LMNB2: variants seen among roughly 807,000 people sequenced by gnomAD.
LMNB2 encodes the protein lamin B2.
Under a neutral mutation model 69.3 loss-of-function variants are expected in LMNB2, and 17 were observed. The ratio of observed to expected loss-of-function variants is 0.25; its 90% confidence interval spans 0.17 to 0.37. The LOEUF (loss-of-function observed/expected upper bound fraction) is 0.37. Among genes scored for constraint, LMNB2 ranks in the 10% least tolerant of loss-of-function variants. The probability of loss-of-function intolerance (pLI) is 1.00; values close to 1 mark genes in which losing one functional copy is unlikely to be tolerated. For synonymous variants in LMNB2, 397 were observed against 389.3 expected, an observed-to-expected ratio of 1.02 and a Z score of -0.23; for missense variants, 789 against 883.6, an observed-to-expected ratio of 0.89 and a Z score of 1.36.
intron 4 of LMNB2, among the ~76,000 whole-genome samples, chr19:2,435,983 T>C (rs1353259647): frequency 1.3e-5 from 2 of 151,834 alleles, no homozygotes; most frequent in Non-Finnish European, 2.9e-5. Flanking sequence ...ACCCCATCTC[T>C]ATTAAAAATA....
chr19:2,453,687 C>G lies in LMNB2; in HGVS notation c.264+2983G>C, dbSNP rs1167365139. ...TGAGTGAACTGAGTTGTAAAGGATG[C>G]TGCTGCGGCCCCGAGAGGTGGCTGG... On this transcript the variant is annotated intron_variant, in intron 1 of 11. Coordinates refer to ENST00000325327, the MANE Select transcript of LMNB2 (RefSeq NM_032737.4). This position sits in a 1 kb window ranked among gnomAD's most constrained non-coding sequence, Gnocchi z 4.4. Among the ~76,000 whole-genome samples, 1 of 152,190 alleles carries G rather than the reference C, an allele frequency of 6.6e-6. No individual in the cohort carries two copies. The highest frequency in any genetic ancestry group is 1.5e-5 in the Non-Finnish European group (1 of 68,028).
At position 2,447,519 on chromosome 19, in the gene LMNB2, A is replaced by G. The variant is rs1240881865; in HGVS notation, c.265-2979T>C. On this transcript the variant is annotated intron_variant, in intron 1 of 11. Coordinates refer to ENST00000325327, the MANE Select transcript of LMNB2 (RefSeq NM_032737.4). This position sits in a 1 kb window ranked among gnomAD's most constrained non-coding sequence, Gnocchi z 4.4. Reference sequence around the variant, plus strand: ...TGGTGGCACAGCTGTGGAGATATGAAAACGCGAAACCTACGGGTGAGCTGG... The same window carrying G: ...TGGTGGCACAGCTGTGGAGATATGAGAACGCGAAACCTACGGGTGAGCTGG... Among the ~76,000 whole-genome samples the G allele has an allele frequency of 1.3e-5, 2 of 152,168 alleles. No individual in the cohort carries two copies. Among genetic ancestry groups the G allele is most frequent in the Non-Finnish European group, 2.9e-5 (2 of 68,020 alleles).
intron 1 of LMNB2, among the ~76,000 whole-genome samples, 158 bp downstream of exon 1, chr19:2,456,512 C>T (rs1972091525): frequency 6.6e-6 from 1 of 150,834 alleles, no homozygotes; most frequent in Admixed American, 6.6e-5. Flanking sequence ...CCGAGCTGCA[C>T]CCCTCACTCA....
At chr19:2,444,288 G>C (rs966085792) in intron 2 of LMNB2, 116 bp downstream of exon 2, 3 of 1,242,298 alleles carry the variant, frequency 2.4e-6, no homozygotes, top group Non-Finnish European at 3.5e-6. Flanking sequence ...GGAGCTGTGA[G>C]CTCCAGGCTG....
chr19:2,440,094 G>A (rs1971877985), intron 2 of LMNB2, among the ~76,000 whole-genome samples: 1 of 149,850 alleles, frequency 6.7e-6, no homozygotes, highest in African/African-American at 2.4e-5. Context: ...ACCCATAGCT[G>A]AAAGTGACCG....
intron 4 of LMNB2, among the ~76,000 whole-genome samples, chr19:2,436,513 ACGGCCGCCCTCCCG>A (rs1971823401): frequency 6.6e-6 from 1 of 151,074 alleles, no homozygotes. Flanking sequence ...ACCCACCTCC[ACGGCCGCCCTCCCG>A]CCTCCACGGC....
rs1418737913 is a variant in LMNB2, at chr19:2,443,236, GC to G, written c.401+1167del. ...CAAATGGTCCCTCCTGGAGCCCCAG[GC>G]CCCGGGCAGGCGGGCGGTGGTCCCT... On this transcript the variant is annotated intron_variant, in intron 2 of 11. Coordinates refer to ENST00000325327, the MANE Select transcript of LMNB2 (RefSeq NM_032737.4). The surrounding 1 kb of genome is among the most constrained non-coding windows in gnomAD (Gnocchi z 6.2). Among the ~76,000 whole-genome samples the G allele has an allele frequency of 6.6e-6, 1 of 152,298 alleles. No homozygotes were observed. The highest frequency in any genetic ancestry group is 6.5e-5 in the Admixed American group (1 of 15,304).
At chr19:2,446,423 C>G (rs1369421336) in intron 1 of LMNB2, among the ~76,000 whole-genome samples, 1 of 152,092 alleles carries the variant, frequency 6.6e-6, no homozygotes, top group Non-Finnish European at 1.5e-5. Flanking sequence ...GAGGCACATG[C>G]GGTGCCAGGG....
intron 1 of LMNB2, among the ~76,000 whole-genome samples, chr19:2,452,663 T>C (rs1414406815): frequency 2.0e-5 from 3 of 150,996 alleles, no homozygotes; most frequent in African/African-American, 4.9e-5. Context: ...GAGGCAGAGG[T>C]TGCAGTCAGC....
intron 1 of LMNB2, among the ~76,000 whole-genome samples, 181 bp downstream of exon 1, chr19:2,456,489 G>A (rs1236839612): frequency 2.7e-5 from 4 of 150,278 alleles, no homozygotes; most frequent in Non-Finnish European, 3.0e-5. Flanking sequence ...ACCCCGCGGT[G>A]GGAGGGACCT....
chr19:2,430,831 G>T lies in LMNB2; in HGVS notation c.*80C>A. On this transcript the variant is annotated 3_prime_UTR_variant, in exon 12 of 12. Coordinates refer to ENST00000325327, the MANE Select transcript of LMNB2 (RefSeq NM_032737.4). ...TAGAAATTCTCTAGAAATGTATCAA[G>T]AACTAAAGAAAGCCAATGATATAAA... is the stretch of plus-strand genomic sequence containing the variant. 4 of 959,530 alleles carry T rather than the reference G, an allele frequency of 4.2e-6. No individual in the cohort carries two copies. Among genetic ancestry groups the T allele is most frequent in the South Asian group, 2.6e-5 (2 of 78,074 alleles). The allele number at this position is 959,530 out of a possible 1,614,324, so 59.4% of individuals were successfully genotyped here. A position where few individuals can be genotyped will look rare whatever the true frequency, so the allele number is the denominator to read the frequency against.
At chr19:2,435,343 C>T (rs988390588) in intron 4 of LMNB2, among the ~76,000 whole-genome samples, 172 bp from the exon 5 acceptor site, 4 of 152,240 alleles carry the variant, frequency 2.6e-5, no homozygotes, top group South Asian at 2.1e-4. Flanking sequence ...GCCGTCCACG[C>T]GCTAGAACGT....
At chr19:2,437,865 C>T (rs1971846535) in intron 4 of LMNB2, among the ~76,000 whole-genome samples, 2 of 151,922 alleles carry the variant, frequency 1.3e-5, no homozygotes, top group South Asian at 4.1e-4. Flanking sequence ...GAAATGGGGT[C>T]TCTGCAGATG....
At position 2,456,664 on chromosome 19, in the gene LMNB2, GC is replaced by G; in HGVS notation, c.264+5del. The stretch of plus-strand genomic sequence containing the variant: ...CCCCGCCCGGCCCCTAAGCCCCGGC[GC>G]CCACCTCGCGCGTGGTCACCTCCTC... On this transcript the variant is annotated splice_donor_5th_base_variant and intron_variant, in intron 1 of 11. Coordinates refer to ENST00000325327, the MANE Select transcript of LMNB2 (RefSeq NM_032737.4). 1 of 1,520,152 alleles carries G rather than the reference GC, an allele frequency of 6.6e-7. No homozygotes were observed. Among genetic ancestry groups the G allele is most frequent in the Non-Finnish European group, 8.8e-7 (1 of 1,133,478 alleles). The allele number at this position is 1,520,152 out of a possible 1,614,324, so 94.2% of individuals were successfully genotyped here. A position where few individuals can be genotyped will look rare whatever the true frequency, so the allele number is the denominator to read the frequency against.
At position 2,434,135 on chromosome 19, in the gene LMNB2, G is replaced by A. The variant is rs779360845; in HGVS notation, c.1203-30C>T. 1.0e-5 allele frequency: 16 copies of A among 1,567,276 alleles called. No individual in the cohort carries two copies. The South Asian group carries it at 1.4e-4, about 13-fold the overall frequency. On this transcript the variant is annotated intron_variant, in intron 7 of 11. Transcript: ENST00000325327. ...GGGGAAGGCAAGGAAGGTGGGACTG[G>A]TAGTGGGAGCCCCAGACAGCCCAGG...
chr19:2,435,017 T>C lies in LMNB2; in HGVS notation c.839A>G (p.Gln280Arg). Residue 280 changes from glutamine to arginine, a missense_variant, in exon 5 of 12, where the codon CAG becomes CGG. Gln to Arg is a conservative substitution (Grantham distance 43). Around this residue, in one of 3 missense-constraint regions of LMNB2, gnomAD observed 609 missense variants for 630.9 expected, o/e 0.97. Transcript: ENST00000325327. Reference sequence around the variant, plus strand: ...CGGCCACACCTTGGCCTGGTAGGTCTGCTCCAGCTCCAGCTTGTAGAGCCG... The same window carrying C: ...CGGCCACACCTTGGCCTGGTAGGTCCGCTCCAGCTCCAGCTTGTAGAGCCG... ...QVRLYKLELE[Q>R]TYQAKLDSAK... 1.2e-6 allele frequency: 2 copies of C among 1,602,936 alleles called. No homozygotes were observed. Among genetic ancestry groups the C allele is most frequent in the Non-Finnish European group, 8.5e-7 (1 of 1,176,024 alleles).
At chr19:2,434,710 C>A (rs955923382) in intron 6 of LMNB2, 78 bp downstream of exon 6, 50 of 1,535,732 alleles carry the variant, frequency 3.3e-5, no homozygotes, top group Non-Finnish European at 4.4e-5. Flanking sequence ...GAGGCCAGAG[C>A]CCCACGCCCC....
intron 9 of LMNB2, 100 bp downstream of exon 9, chr19:2,432,316 T>C (rs962226660): frequency 8.7e-6 from 8 of 921,340 alleles, no homozygotes; most frequent in African/African-American, 4.9e-5. Flanking sequence ...GGTGCCACCA[T>C]CATCCCCACC....
rs750127556 is a variant in LMNB2 at position 2,431,608 on chromosome 19, C to G, written c.1761G>C (p.Glu587Asp). 1 of 1,614,168 alleles carries G rather than the reference C, an allele frequency of 6.2e-7. No homozygotes were observed. The highest frequency in any genetic ancestry group is 1.1e-5 in the South Asian group (1 of 91,092). ...CTTCCTCCTCCTCTTCCTCCCCATT[C>G]TCATTCTCACGCATCACCGAGGACT... is the stretch of plus-strand genomic sequence containing the variant. Reference protein sequence around the residue: ...VKKSSVMRENENGEEEEEEAE... With the variant: ...VKKSSVMRENDNGEEEEEEAE... Residue 587 changes from glutamate to aspartate, a missense_variant, in exon 11 of 12, where the codon GAG becomes GAC. Glu to Asp is a conservative substitution (Grantham distance 45, BLOSUM62 2). Around this residue, in one of 3 missense-constraint regions of LMNB2, gnomAD observed 609 missense variants for 630.9 expected, o/e 0.97. Coordinates refer to ENST00000325327, the MANE Select transcript of LMNB2 (RefSeq NM_032737.4).
Sources: allele counts gnomAD v4.1 joint callset (sites outside exome capture counted in the v4.1 genomes callset), GRCh38; gene constraint gnomAD v4.1.1; regional missense constraint gnomAD v4.1.1; non-coding constraint Gnocchi (gnomAD v3.1); transcripts MANE v1.5; gene names NCBI Gene and HGNC (gene_info 2026-07-23, HGNC 2026-07-21).